The following TEX15 variants were observed in gnomAD, a reference collection of about 807,000 sequenced individuals.
TEX15 encodes the protein testis expressed 15, meiosis and synapsis associated.
A neutral mutation model predicts 237.3 loss-of-function variants in TEX15; 171 were observed. That is an observed-to-expected ratio of 0.72 (90% CI 0.64 to 0.82). TEX15 has a LOEUF of 0.82. TEX15 is among the 40% of genes least tolerant of loss of function. TEX15 has a pLI of 0.00. For synonymous variants in TEX15, 1,338 were observed against 1,269.8 expected, an observed-to-expected ratio of 1.05 and a Z score of -1.14; for missense variants, 3,750 against 3,646.5, an observed-to-expected ratio of 1.03 and a Z score of -0.73.
intron 2 of TEX15, among the ~76,000 whole-genome samples, chr8:30,889,946 T>TAC (rs1808756029): frequency 7.0e-5 from 8 of 114,766 alleles, no homozygotes; most frequent in African/African-American, 3.5e-4. Flanking sequence ...TATATATATA[T>TAC]ATATATACAT....
rs1043852766 is a variant in TEX15, at chr8:30,909,173, T to C, written c.-86+3706A>G. Among the ~76,000 whole-genome samples the C allele has an allele frequency of 1.1e-4, 17 of 152,076 alleles. No homozygotes were observed. In the East Asian group the frequency reaches 1.9e-3, roughly 17 times the overall value. On this transcript the variant is annotated intron_variant, in intron 1 of 10. Transcript: ENST00000643185. The stretch of plus-strand genomic sequence containing the variant: ...AAATCAGTTATTTTATTAATCATTA[T>C]CCTAAAAAATCTTCAAATTTAGTTA...
At position 30,887,189 on chromosome 8, in the gene TEX15, C is replaced by G; in HGVS notation, c.114G>C (p.Lys38Asn). The stretch of plus-strand genomic sequence containing the variant: ...TACCTTTCTCAGCTGTCCTCCTGAT[C>G]TTAGGAATGGTGAATTTCTTCAAAG... ...VNPLKKFTIP[K>N]IRRTAEKVYL... The change falls in exon 3 of 11, where the codon AAG (lysine) becomes AAC (asparagine). Residue 38 changes from lysine to asparagine, a missense_variant. By Grantham distance (94) the Lys-to-Asn change is moderately conservative. Coordinates refer to ENST00000643185, the MANE Select transcript of TEX15 (RefSeq NM_001350162.2). The G allele has an allele frequency of 6.5e-7, 1 of 1,534,792 alleles. No individual in the cohort carries two copies. Among genetic ancestry groups the G allele is most frequent in the African/African-American group, 1.4e-5 (1 of 73,090 alleles).
rs34002027 is a variant in TEX15, at chr8:30,895,676, C to CTTTTTTTT, written c.-10+3058_-10+3065dup. 8.1e-3 allele frequency among the ~76,000 whole-genome samples: 485 copies of CTTTTTTTT among 60,054 alleles called. 69 individuals are homozygous for CTTTTTTTT. The highest frequency in any genetic ancestry group is 0.021 in the African/African-American group (263 of 12,344). 39.4% of individuals were successfully genotyped at this position (60,054 alleles called of 152,430 possible). ...CATGTCAACACCTTTTAAACACATG[C>CTTTTTTTT]TTTTTTTTTTTTTTTTTTTTTTTTG... On this transcript the variant is annotated intron_variant, in intron 2 of 10. Coordinates refer to ENST00000643185, the MANE Select transcript of TEX15 (RefSeq NM_001350162.2).
chr8:30,849,856 G>A (rs1373002584), intron 7 of TEX15, among the ~76,000 whole-genome samples: 5 of 151,894 alleles, frequency 3.3e-5, no homozygotes, highest in African/African-American at 4.8e-5. Context: ...CCGAGATTGC[G>A]CCACTGCACT....
Position 30,875,067 on chromosome 8 carries a change from A to G in TEX15, c.172T>C (p.Tyr58His). 1 of 1,275,254 alleles carries G rather than the reference A, an allele frequency of 7.8e-7. No homozygotes were observed. Among genetic ancestry groups the G allele is most frequent in the Non-Finnish European group, 9.9e-7 (1 of 1,009,212 alleles). 79.0% of individuals were successfully genotyped at this position (1,275,254 alleles called of 1,614,324 possible). The change falls in exon 4 of 11, where the codon TAT becomes CAT. Residue 58 changes from tyrosine (Y) to histidine (H), a missense_variant. Physicochemically the swap from Tyr to His is moderately conservative, Grantham distance 83 (BLOSUM62 2). Transcript: ENST00000643185. ...TTAAGAGTATCATGTATAAAACTAT[A>G]CTCTCTACTATTGGTGTAACAAGGT... ...LSPCYTNSRE[Y>H]SFIHDTLNQC...
intron 3 of TEX15, among the ~76,000 whole-genome samples, chr8:30,878,096 CTTTTTTT>C (rs36096573): frequency 8.5e-5 from 10 of 118,214 alleles, no homozygotes; most frequent in Non-Finnish European, 5.1e-5. Context: ...GTAAAGATTG[CTTTTTTT>C]TTTTTTTTTT....
rs563788661 is a variant in TEX15 at position 30,836,808 on chromosome 8, A to T, written c.9476T>A (p.Val3159Asp). 4.1e-5 allele frequency: 66 copies of T among 1,597,878 alleles called. No individual in the cohort carries two copies. In the South Asian group the frequency reaches 6.8e-4, roughly 17 times the overall value. The change falls in exon 10 of 11, where the codon GTT becomes GAT. Residue 3159 changes from valine to aspartate, a missense_variant. Transcript: ENST00000643185. ...CATTAAAATGTGAAACTCACCATAA[A>T]CCCAAGGAACTTCTGGAGGCACAAA... Reference protein sequence around the residue: ...NRFVPPEVPWVYAPWHQESFH... With the variant: ...NRFVPPEVPWDYAPWHQESFH...
chr8:30,882,428 A>G (rs1383744039), intron 3 of TEX15, among the ~76,000 whole-genome samples: 1 of 152,198 alleles, frequency 6.6e-6, no homozygotes, highest in Non-Finnish European at 1.5e-5. Flanking sequence ...CTGGGACTAC[A>G]GGCGGCCGCC....
At chr8:30,901,439 T>C (rs1187597821) in intron 1 of TEX15, among the ~76,000 whole-genome samples, 1 of 152,218 alleles carries the variant, frequency 6.6e-6, no homozygotes, top group Non-Finnish European at 1.5e-5. Flanking sequence ...TTTCAATCTC[T>C]GTTTAAGGAG....
chr8:30,867,628 A>G, intron 4 of TEX15, 126 bp from the exon 5 acceptor site: 1 of 602,742 alleles, frequency 1.7e-6, no homozygotes, highest in African/African-American at 1.9e-5. Flanking sequence ...GTATTACTAC[A>G]CTGTGATGAT....
In TEX15 at chr8:30,872,715, G is replaced by A. The variant is rs150944590; in HGVS notation, c.302+2222C>T. 3.0e-4 allele frequency among the ~76,000 whole-genome samples: 45 copies of A among 151,968 alleles called. No homozygotes were observed. In the South Asian group the frequency reaches 6.6e-3, roughly 22 times the overall value. On this transcript the variant is annotated intron_variant, in intron 4 of 10. Transcript: ENST00000643185. ...TAGCTTTAGGCTTATGTGTGTGTTT[G>A]TGTCTTAAGTTTTTAAATAAAGAGT... is the stretch of plus-strand genomic sequence containing the variant.
At chr8:30,852,993 T>C (rs1291128872) in intron 7 of TEX15, among the ~76,000 whole-genome samples, 1 of 152,198 alleles carries the variant, frequency 6.6e-6, no homozygotes, top group Non-Finnish European at 1.5e-5. Flanking sequence ...CTGTATTAGA[T>C]AGTGTAGTCT....
Position 30,909,136 on chromosome 8 carries a change from A to G in TEX15, c.-86+3743T>C, listed in dbSNP as rs946744840. ...GTAGTTTTAGATTTATATCAGGACA[A>G]ACTAGATACTCAAATCAGTTATTTT... On this transcript the variant is annotated intron_variant, in intron 1 of 10. Transcript: ENST00000643185. 1.2e-4 allele frequency among the ~76,000 whole-genome samples: 19 copies of G among 152,036 alleles called. 1 individual carries two copies. Among genetic ancestry groups the G allele is most frequent in the Admixed American group, 1.2e-3 (19 of 15,262 alleles).
rs746787426 is a variant in TEX15, at chr8:30,849,010, C to A, written c.1157G>T (p.Ser386Ile). The A allele has an allele frequency of 1.2e-5, 20 of 1,614,164 alleles. 1 individual carries two copies. The South Asian group carries it at 2.0e-4, about 16-fold the overall frequency. The change falls in exon 8 of 11, where the codon AGT (serine) becomes ATT (isoleucine). Residue 386 changes from serine to isoleucine, a missense_variant. By Grantham distance (142) the Ser-to-Ile change is moderately radical. Coordinates refer to ENST00000643185, the MANE Select transcript of TEX15 (RefSeq NM_001350162.2). ...ACCATTAACACTGTCTTTGGCATCA[C>A]TGGGCATAAGTGAAATGTCTGAATC... is the stretch of plus-strand genomic sequence containing the variant. The part of the protein sequence containing the change: ...AHDSDISLMP[S>I]DAKDSVNGDL...
chr8:30,889,770 T>C (rs1271568612), intron 2 of TEX15, among the ~76,000 whole-genome samples: 2 of 151,854 alleles, frequency 1.3e-5, no homozygotes, highest in African/African-American at 2.4e-5. Context: ...CATATTTTTT[T>C]TGTTTGGGTT....
Position 30,844,554 on chromosome 8 carries a change from CTCAG to C in TEX15, c.5609_5612del (p.Thr1870SerfsTer15). 6.2e-7 allele frequency: 1 copy of C among 1,612,262 alleles called. No individual in the cohort carries two copies. Among genetic ancestry groups the C allele is most frequent in the Non-Finnish European group, 8.5e-7 (1 of 1,179,378 alleles). ...AGATCTGATTCTTTTGATTTTTGTA[CTCAG>C]TATTAACAGTTGATCCTTCAGTCAT... On this transcript the variant is annotated frameshift_variant, in exon 8 of 11. Transcript: ENST00000643185. LOFTEE classifies it high-confidence loss of function.
intron 10 of TEX15, 37 bp downstream of exon 10, chr8:30,836,766 C>A: frequency 6.6e-7 from 1 of 1,518,490 alleles, no homozygotes; most frequent in East Asian, 2.3e-5. Flanking sequence ...TTAAAAGTAA[C>A]AACTCAATAA....
chr8:30,909,127 ATCAGGACAAACTAGATACTC>A (rs1554504657), intron 1 of TEX15, among the ~76,000 whole-genome samples: 37 of 152,270 alleles, frequency 2.4e-4, no homozygotes, highest in African/African-American at 6.3e-4. Flanking sequence ...TTAGATTTAT[ATCAGGACAAACTAGATACTC>A]AAATCAGTTA....
intron 5 of TEX15, among the ~76,000 whole-genome samples, chr8:30,861,633 T>C (rs1808052796): frequency 6.6e-6 from 1 of 152,148 alleles, no homozygotes; most frequent in South Asian, 2.1e-4. Context: ...TTATGTAAAA[T>C]GTTAACATCA....
Sources: gnomAD v4.1 joint callset for allele counts (sites outside exome capture counted in the v4.1 genomes callset) on GRCh38, gnomAD v4.1.1 for gene constraint, MANE v1.5 for transcripts, NCBI Gene and HGNC (gene_info 2026-07-23, HGNC 2026-07-21) for gene names.